Variants in PLCB1 observed in about 807,000 individuals in gnomAD.
The protein encoded by PLCB1 is phospholipase C beta 1.
In PLCB1, 46 loss-of-function variants were observed where a neutral mutation model predicts 161.8. The observed-to-expected ratio is 0.28, with a 90% confidence interval of 0.22 to 0.36. The LOEUF (loss-of-function observed/expected upper bound fraction) is 0.36. Ranked by LOEUF, PLCB1 falls within the 10% of genes least tolerant of loss-of-function variation. The pLI, the probability that PLCB1 is intolerant of heterozygous loss-of-function variation, is 1.00. For missense variants in PLCB1, 1,016 were observed against 1,472.5 expected (o/e 0.69, Z 5.07); for synonymous variants, 517 against 503.7 (o/e 1.03, Z -0.35).
intron 31 of PLCB1, among the ~76,000 whole-genome samples, chr20:8,841,608 G>A (rs780467619): frequency 6.6e-6 from 1 of 152,144 alleles, no homozygotes; most frequent in Non-Finnish European, 1.5e-5. Context: ...CCTTTTGCTG[G>A]CAAGGGGTAT....
chr20:8,549,225 G>C (rs1386021595), intron 3 of PLCB1, among the ~76,000 whole-genome samples: 2 of 152,100 alleles, frequency 1.3e-5, no homozygotes, highest in Non-Finnish European at 2.9e-5. Flanking sequence ...AACCTGCTTT[G>C]TCAGGTACTG....
At chr20:8,613,821 T>G (rs899360382) in intron 3 of PLCB1, among the ~76,000 whole-genome samples, 1 of 152,006 alleles carries the variant, frequency 6.6e-6, no homozygotes, top group African/African-American at 2.4e-5. Context: ...TTTTTATACA[T>G]GGCAATAAAT....
chr20:8,356,648 C>T (rs569435619), intron 2 of PLCB1, among the ~76,000 whole-genome samples: 1 of 152,208 alleles, frequency 6.6e-6, no homozygotes, highest in East Asian at 1.9e-4. Context: ...GGCATAATAG[C>T]ACCAATTTTG....
At chr20:8,297,814 G>A (rs1001165556) in intron 2 of PLCB1, among the ~76,000 whole-genome samples, 1 of 151,912 alleles carries the variant, frequency 6.6e-6, no homozygotes, top group Non-Finnish European at 1.5e-5. Context: ...AATATGTGCA[G>A]CCCCTAGAGA....
intron 2 of PLCB1, among the ~76,000 whole-genome samples, chr20:8,319,400 A>G (rs1018254622): frequency 3.9e-5 from 6 of 152,130 alleles, no homozygotes; most frequent in African/African-American, 1.2e-4. Flanking sequence ...CTCATCATCC[A>G]GAAGGCTAGC....
intron 2 of PLCB1, among the ~76,000 whole-genome samples, chr20:8,291,854 G>T (rs778107649): frequency 1.3e-5 from 2 of 152,100 alleles, no homozygotes; most frequent in Non-Finnish European, 2.9e-5. Flanking sequence ...TTGATGAAAT[G>T]TATATATTAA....
At chr20:8,134,578 A>G (rs965616477) in intron 1 of PLCB1, among the ~76,000 whole-genome samples, 8 of 152,298 alleles carry the variant, frequency 5.3e-5, no homozygotes, top group African/African-American at 1.9e-4. Context: ...CTCACCTATT[A>G]CTGCCAATCC....
intron 31 of PLCB1, among the ~76,000 whole-genome samples, chr20:8,803,028 G>A (rs1012990574): frequency 1.3e-5 from 2 of 152,102 alleles, no homozygotes; most frequent in African/African-American, 2.4e-5. Flanking sequence ...TTGTCTTCAA[G>A]TATTTGTTCA....
In PLCB1 at chr20:8,268,143, T is replaced by A. The variant is rs1290316870; in HGVS notation, c.178-103239T>A. On this transcript the variant is annotated intron_variant, in intron 2 of 31. Coordinates refer to ENST00000338037, the MANE Select transcript of PLCB1 (RefSeq NM_015192.4). Reference sequence around the variant, plus strand: ...CCCCCCACCTCATGACCGGCCCCGGTGTGTGATGTTCCCCACCCTGTGTCC... The same window carrying A: ...CCCCCCACCTCATGACCGGCCCCGGAGTGTGATGTTCCCCACCCTGTGTCC... 2.0e-5 allele frequency among the ~76,000 whole-genome samples: 3 copies of A among 151,544 alleles called. No individual in the cohort carries two copies. In the East Asian group the frequency reaches 5.9e-4, roughly 30 times the overall value.
intron 2 of PLCB1, among the ~76,000 whole-genome samples, chr20:8,166,833 T>G (rs1264390570): frequency 6.6e-6 from 1 of 152,172 alleles, no homozygotes; most frequent in Non-Finnish European, 1.5e-5. Flanking sequence ...TGCTGAAATT[T>G]TTCACAATAC....
At chr20:8,230,585 A>G (rs1979977821) in intron 2 of PLCB1, among the ~76,000 whole-genome samples, 1 of 152,130 alleles carries the variant, frequency 6.6e-6, no homozygotes, top group Non-Finnish European at 1.5e-5. Context: ...CTCTATCTAA[A>G]GTGGTAGGTA....
intron 1 of PLCB1, among the ~76,000 whole-genome samples, chr20:8,142,160 G>A (rs2051411080): frequency 6.6e-6 from 1 of 151,490 alleles, no homozygotes; most frequent in Non-Finnish European, 1.5e-5. Context: ...TGATGCTCAG[G>A]GGATATTTGT....
intron 3 of PLCB1, among the ~76,000 whole-genome samples, chr20:8,583,529 T>A (rs1335085759): frequency 6.6e-6 from 1 of 152,204 alleles, no homozygotes; most frequent in Non-Finnish European, 1.5e-5. Flanking sequence ...AATGAACATA[T>A]AATCTCCAGT....
At chr20:8,226,452 T>C (rs1979688819) in intron 2 of PLCB1, among the ~76,000 whole-genome samples, 1 of 152,092 alleles carries the variant, frequency 6.6e-6, no homozygotes, top group Admixed American at 6.6e-5. Flanking sequence ...TGGGGGCCTA[T>C]AGCAATGATT....
chr20:8,308,618 C>CAAAA (rs71183088), intron 2 of PLCB1, among the ~76,000 whole-genome samples: 1 of 73,604 alleles, frequency 1.4e-5, no homozygotes, highest in African/African-American at 4.5e-5. Context: ...TTCCGTATAT[C>CAAAA]AAAAAAAAAA....
At chr20:8,713,098 T>C (rs187490729) in intron 12 of PLCB1, among the ~76,000 whole-genome samples, 1 of 152,328 alleles carries the variant, frequency 6.6e-6, no homozygotes, top group Admixed American at 6.5e-5. Context: ...ATGAATAGCC[T>C]GATTACCAAA....
At chr20:8,552,398 G>A (rs189782638) in intron 3 of PLCB1, among the ~76,000 whole-genome samples, 7 of 152,256 alleles carry the variant, frequency 4.6e-5, no homozygotes, top group African/African-American at 1.2e-4. Context: ...CAGTTGCACC[G>A]TGGTAGATTT....
intron 10 of PLCB1, among the ~76,000 whole-genome samples, chr20:8,685,940 T>G (rs1191569664): frequency 2.6e-5 from 4 of 152,180 alleles, no homozygotes; most frequent in African/African-American, 9.7e-5. Context: ...GTATGCACCC[T>G]TCTCAGAATG....
chr20:8,455,432 C>CTCTTTTTTT (rs1365729968), intron 3 of PLCB1, among the ~76,000 whole-genome samples: 5 of 74,208 alleles, frequency 6.7e-5, no homozygotes, highest in African/African-American at 3.2e-4. Flanking sequence ...TATTCTTCCT[C>CTCTTTTTTT]TTTTTTTTTT....
Sources: allele counts gnomAD v4.1 joint callset (sites outside exome capture counted in the v4.1 genomes callset), GRCh38; gene constraint gnomAD v4.1.1; transcripts MANE v1.5; gene names NCBI Gene and HGNC (gene_info 2026-07-23, HGNC 2026-07-21).